The following DACH1 variants were observed in gnomAD, a reference collection of about 807,000 sequenced individuals.
The protein encoded by DACH1 is dachshund homolog 1.
Under a neutral mutation model 54.2 loss-of-function variants are expected in DACH1, and 12 were observed. The ratio of observed to expected loss-of-function variants is 0.22; its 90% CI spans 0.14 to 0.36. DACH1 has a LOEUF of 0.36. Among genes scored for constraint, DACH1 ranks in the 10% least tolerant of loss-of-function variants. The probability of loss-of-function intolerance (pLI) is 1.00; values close to 1 mark genes in which losing one functional copy is unlikely to be tolerated. For missense variants in DACH1, 805 were observed against 929.8 expected, an observed-to-expected ratio of 0.87 and a Z score of 1.75; for synonymous variants, 386 against 366.2, an observed-to-expected ratio of 1.05 and a Z score of -0.62.
chr13:71,557,936 AGT>A (rs1397598201), intron 5 of DACH1, among the ~76,000 whole-genome samples: 3 of 151,670 alleles, frequency 2.0e-5, no homozygotes, highest in African/African-American at 4.8e-5. Context: ...AACTAATTGT[AGT>A]GTGTGATCAT....
intron 1 of DACH1, among the ~76,000 whole-genome samples, chr13:71,865,446 G>T (rs1184326005): frequency 1.3e-5 from 2 of 152,012 alleles, no homozygotes; most frequent in South Asian, 2.1e-4. Flanking sequence ...ACCTCCCCCC[G>T]CCCCCGGGAC....
intron 10 of DACH1, among the ~76,000 whole-genome samples, chr13:71,443,674 G>C (rs1337704674): frequency 1.3e-5 from 2 of 152,188 alleles, no homozygotes; most frequent in African/African-American, 4.8e-5. Flanking sequence ...TGCACAAACT[G>C]TGTCTAATTC....
chr13:71,732,369 G>A lies in DACH1; in HGVS notation c.849-50459C>T, dbSNP rs143219382. On this transcript the variant is annotated intron_variant, in intron 1 of 10. Coordinates refer to ENST00000613252, the MANE Select transcript of DACH1 (RefSeq NM_080759.6). ...GGAGGCCGAGGCGGATGAATCTCCT[G>A]AGCTCAGGAGTTCGAGACCAGCCTG... Among the ~76,000 whole-genome samples, 848 of 152,048 alleles carry A rather than the reference G, an allele frequency of 5.6e-3. 6 individuals carry two copies. Among genetic ancestry groups the A allele is most frequent in the African/African-American group, 0.019 (799 of 41,444 alleles).
chr13:71,466,618 G>A (rs1003297339), intron 10 of DACH1, among the ~76,000 whole-genome samples: 2 of 152,064 alleles, frequency 1.3e-5, no homozygotes, highest in African/African-American at 4.8e-5. Flanking sequence ...CGAGGCAAGT[G>A]GATCGCTTGA....
intron 1 of DACH1, among the ~76,000 whole-genome samples, chr13:71,794,157 T>A (rs1173734142): frequency 6.6e-6 from 1 of 152,166 alleles, no homozygotes; most frequent in Non-Finnish European, 1.5e-5. Context: ...TCCAAGCCCA[T>A]GCTCTCCGTC....
chr13:71,689,054 AGTTT>A (rs1247129347), intron 1 of DACH1, among the ~76,000 whole-genome samples: 13 of 152,244 alleles, frequency 8.5e-5, no homozygotes, highest in East Asian at 3.9e-4. Flanking sequence ...ATTGCTAGTG[AGTTT>A]GTTTGTTTGT....
intron 1 of DACH1, among the ~76,000 whole-genome samples, chr13:71,854,501 A>G (rs1414562456): frequency 6.6e-6 from 1 of 152,094 alleles, no homozygotes; most frequent in Non-Finnish European, 1.5e-5. Context: ...CATGCATTTT[A>G]TAGCAAGAGT....
chr13:71,501,693 T>C (rs1188233560), intron 6 of DACH1, among the ~76,000 whole-genome samples: 1 of 152,184 alleles, frequency 6.6e-6, no homozygotes, highest in Non-Finnish European at 1.5e-5. Flanking sequence ...AAAGGAATAC[T>C]ACTCAGTAAA....
At chr13:71,760,728 T>A (rs1885369272) in intron 1 of DACH1, among the ~76,000 whole-genome samples, 1 of 152,322 alleles carries the variant, frequency 6.6e-6, no homozygotes, top group Non-Finnish European at 1.5e-5. Context: ...TTGGCCAATT[T>A]ATCTTTCCAA....
chr13:71,605,695 A>C (rs1369414589), intron 3 of DACH1, among the ~76,000 whole-genome samples: 1 of 152,006 alleles, frequency 6.6e-6, no homozygotes, highest in Non-Finnish European at 1.5e-5. Context: ...AAAATGAAAG[A>C]TTCTTCCTCT....
intron 6 of DACH1, among the ~76,000 whole-genome samples, chr13:71,528,379 A>T (rs1810426589): frequency 6.6e-6 from 1 of 151,890 alleles, no homozygotes; most frequent in East Asian, 1.9e-4. Context: ...AAGGAATAAC[A>T]CTGCTTCAGG....
Position 71,866,997 on chromosome 13 carries a change from C to T in DACH1, c.-228G>A, listed in dbSNP as rs1233729163. ...GAGAGGCGCTCTGGAGAGGAACGCA[C>T]AAAAGTGTCCCGCAAGTCGAAATGC... On this transcript the variant is annotated 5_prime_UTR_variant, in exon 1 of 11. In the 5' UTR this introduces an upstream ATG that the reference lacks. Coordinates refer to ENST00000613252, the MANE Select transcript of DACH1 (RefSeq NM_080759.6). 4.3e-6 allele frequency: 1 copy of T among 233,672 alleles called. No individual in the cohort carries two copies. The highest frequency in any genetic ancestry group is 7.5e-6 in the Non-Finnish European group (1 of 132,606). The allele number at this position is 233,672 out of a possible 1,614,324, so 14.5% of individuals were successfully genotyped here. A position where few individuals can be genotyped will look rare whatever the true frequency, so the allele number is the denominator to read the frequency against.
chr13:71,539,255 A>G (rs1175632492), intron 6 of DACH1, among the ~76,000 whole-genome samples: 1 of 152,024 alleles, frequency 6.6e-6, no homozygotes, highest in African/African-American at 2.4e-5. Flanking sequence ...TGCATGTTCT[A>G]TGGCCCGTAG....
chr13:71,741,906 G>T (rs2137949648), intron 1 of DACH1, among the ~76,000 whole-genome samples: 2 of 152,000 alleles, frequency 1.3e-5, no homozygotes, highest in South Asian at 4.1e-4. Flanking sequence ...ACTTAAAGCA[G>T]AAAAAAAGAG....
chr13:71,740,347 TCTTTC>T (rs1432807921), intron 1 of DACH1, among the ~76,000 whole-genome samples: 1 of 152,174 alleles, frequency 6.6e-6, no homozygotes, highest in Admixed American at 6.5e-5. Flanking sequence ...TTTCAAGAAC[TCTTTC>T]CTTTAACAAG....
intron 1 of DACH1, among the ~76,000 whole-genome samples, chr13:71,785,799 GTT>G (rs1477855011): frequency 6.6e-6 from 1 of 152,138 alleles, no homozygotes; most frequent in Non-Finnish European, 1.5e-5. Context: ...ATCCTAACAT[GTT>G]TTTCTCTCTT....
At chr13:71,546,086 C>T (rs1461454022) in intron 6 of DACH1, among the ~76,000 whole-genome samples, 1 of 152,090 alleles carries the variant, frequency 6.6e-6, no homozygotes, top group African/African-American at 2.4e-5. Context: ...TAGAAAATTA[C>T]ATTTTACTTA....
Position 71,750,704 on chromosome 13 carries a change from A to C in DACH1, c.849-68794T>G, listed in dbSNP as rs73525426. ...AAAATAGAAATTGACTTTAAAACCA[A>C]GAATAAAAGAAATATCATGAATAAA... On this transcript the variant is annotated intron_variant, in intron 1 of 10. Coordinates refer to ENST00000613252, the MANE Select transcript of DACH1 (RefSeq NM_080759.6). 7.5e-3 allele frequency among the ~76,000 whole-genome samples: 1,149 copies of C among 152,302 alleles called. 21 individuals are homozygous for C. Among genetic ancestry groups the C allele is most frequent in the African/African-American group, 0.026 (1,088 of 41,578 alleles).
intron 1 of DACH1, among the ~76,000 whole-genome samples, chr13:71,830,612 C>T (rs1417004854): frequency 3.3e-5 from 5 of 151,712 alleles, no homozygotes; most frequent in African/African-American, 9.7e-5. Context: ...TATGTTTAAC[C>T]GACCAGTCTA....
Sources: allele counts gnomAD v4.1 joint callset (sites outside exome capture counted in the v4.1 genomes callset), GRCh38; gene constraint gnomAD v4.1.1; transcripts MANE v1.5; gene names NCBI Gene and HGNC (gene_info 2026-07-23, HGNC 2026-07-21).